PTPRD: variants seen among roughly 807,000 people sequenced by gnomAD.
The protein encoded by PTPRD is protein tyrosine phosphatase receptor type D.
PTPRD carries 34 observed loss-of-function variants against 214.5 expected under a neutral mutation model. That is an observed-to-expected ratio of 0.16 (90% CI 0.12 to 0.21). PTPRD has a LOEUF of 0.21. Ranked by LOEUF, PTPRD falls within the 10% of genes least tolerant of loss-of-function variation. The probability of loss-of-function intolerance (pLI) is 1.00; values close to 1 mark genes in which losing one functional copy is unlikely to be tolerated. For missense variants in PTPRD, 2,545 were observed against 2,398.7 expected (o/e 1.06, Z -1.27); for synonymous variants, 1,128 against 845.7 (o/e 1.33, Z -5.79).
At chr9:9,075,754 G>A (rs1320238990) in intron 10 of PTPRD, among the ~76,000 whole-genome samples, 1 of 152,058 alleles carries the variant, frequency 6.6e-6, no homozygotes, top group Non-Finnish European at 1.5e-5. Context: ...CCTTTTTTAT[G>A]GCTGCATAGT....
At chr9:9,070,693 C>G (rs920587478) in intron 10 of PTPRD, among the ~76,000 whole-genome samples, 1 of 152,118 alleles carries the variant, frequency 6.6e-6, no homozygotes, top group Non-Finnish European at 1.5e-5. Flanking sequence ...TGTACTGAAG[C>G]CTCATTTGAA....
intron 10 of PTPRD, among the ~76,000 whole-genome samples, chr9:9,143,679 T>C (rs753525508): frequency 8.5e-5 from 13 of 152,194 alleles, no homozygotes; most frequent in Non-Finnish European, 1.8e-4. Context: ...ACAAACTTTG[T>C]ATGTTATTAA....
At chr9:9,712,400 A>G (rs2154425620) in intron 7 of PTPRD, among the ~76,000 whole-genome samples, 1 of 152,336 alleles carries the variant, frequency 6.6e-6, no homozygotes, top group African/African-American at 2.4e-5. Context: ...ATTTAATTAA[A>G]AAAAATTATT....
chr9:9,793,939 A>G (rs2098984399), intron 5 of PTPRD, among the ~76,000 whole-genome samples: 1 of 152,086 alleles, frequency 6.6e-6, no homozygotes, highest in African/African-American at 2.4e-5. Flanking sequence ...AAAATATAAG[A>G]GTATCAAAGA....
chr9:10,255,719 A>G (rs2093207124), intron 3 of PTPRD, among the ~76,000 whole-genome samples: 2 of 152,240 alleles, frequency 1.3e-5, no homozygotes, highest in African/African-American at 4.8e-5. Context: ...GATTAGCACT[A>G]AGCTTAAAAC....
chr9:9,989,287 T>G (rs571069011), intron 4 of PTPRD, among the ~76,000 whole-genome samples: 2 of 152,282 alleles, frequency 1.3e-5, no homozygotes, highest in East Asian at 3.9e-4. Context: ...CATGCATTCC[T>G]GTTTTCCCAC....
intron 5 of PTPRD, among the ~76,000 whole-genome samples, chr9:9,893,325 C>T (rs1277581784): frequency 6.6e-6 from 1 of 152,020 alleles, no homozygotes; most frequent in East Asian, 1.9e-4. Context: ...TTAAAAGACA[C>T]AGAGTGGCAA....
intron 3 of PTPRD, among the ~76,000 whole-genome samples, chr9:10,045,511 A>C (rs1258521051): frequency 6.6e-6 from 1 of 151,678 alleles, no homozygotes; most frequent in Non-Finnish European, 1.5e-5. Context: ...GTATCCATCT[A>C]AACAATAAGA....
intron 9 of PTPRD, among the ~76,000 whole-genome samples, chr9:9,220,054 G>A (rs1248174810): frequency 6.6e-6 from 1 of 152,048 alleles, no homozygotes; most frequent in Non-Finnish European, 1.5e-5. Context: ...GGACTTAACT[G>A]TTTACTTAGA....
chr9:10,024,955 T>G (rs528257516), intron 4 of PTPRD, among the ~76,000 whole-genome samples: 3 of 152,050 alleles, frequency 2.0e-5, no homozygotes, highest in East Asian at 3.9e-4. Context: ...ACAAAGGACA[T>G]GAACTCATCA....
At chr9:8,777,185 G>A (rs1270263808) in intron 11 of PTPRD, among the ~76,000 whole-genome samples, 1 of 151,838 alleles carries the variant, frequency 6.6e-6, no homozygotes, top group African/African-American at 2.4e-5. Flanking sequence ...TTACTATGTT[G>A]CCCAGGCTGA....
chr9:10,376,113 C>T (rs2097723325), intron 2 of PTPRD, among the ~76,000 whole-genome samples: 1 of 151,920 alleles, frequency 6.6e-6, no homozygotes, highest in African/African-American at 2.4e-5. Flanking sequence ...ATTTAATGTG[C>T]TTCCCTGCAT....
At chr9:9,903,878 A>G (rs998526203) in intron 5 of PTPRD, among the ~76,000 whole-genome samples, 4 of 152,156 alleles carry the variant, frequency 2.6e-5, no homozygotes, top group Admixed American at 2.6e-4. Context: ...ACATTTGACC[A>G]TAACAATAAA....
intron 35 of PTPRD, among the ~76,000 whole-genome samples, chr9:8,430,096 A>G (rs1476291677): frequency 1.3e-5 from 2 of 152,138 alleles, no homozygotes; most frequent in Non-Finnish European, 2.9e-5. Context: ...CTCAACCCAC[A>G]CCACAAAATG....
intron 35 of PTPRD, among the ~76,000 whole-genome samples, chr9:8,422,052 G>A (rs1243518726): frequency 6.7e-6 from 1 of 148,200 alleles, no homozygotes; most frequent in Non-Finnish European, 1.5e-5. Context: ...AGGCTGAGAT[G>A]GGAGGATCAT....
chr9:10,415,089 A>C (rs2154513523), intron 2 of PTPRD, among the ~76,000 whole-genome samples: 1 of 151,998 alleles, frequency 6.6e-6, no homozygotes, highest in South Asian at 2.1e-4. Flanking sequence ...TCAACTTAAA[A>C]TAAAAGTAAA....
chr9:9,687,344 T>G lies in PTPRD; in HGVS notation c.-287+47189A>C, dbSNP rs140331942. ...GAAATATCTTGCTTAGATGACAAGA[T>G]AAGTGGAGCTCCCTTTGTGGAAGCC... On this transcript the variant is annotated intron_variant, in intron 7 of 45. Coordinates refer to ENST00000381196, the MANE Select transcript of PTPRD (RefSeq NM_002839.4). Among the ~76,000 whole-genome samples, 342 of 151,936 alleles carry G rather than the reference T, an allele frequency of 2.3e-3. 1 individual carries two copies. Among genetic ancestry groups the G allele is most frequent in the Non-Finnish European group, 2.4e-3 (162 of 67,832 alleles).
rs374676506 is a variant in PTPRD at position 10,306,944 on chromosome 9, T to C, written c.-545+34019A>G. The stretch of plus-strand genomic sequence containing the variant: ...ACACAAGCAATTCATTTTGTATTGA[T>C]TCATACTATTTGAAAGTGTTTATGG... On this transcript the variant is annotated intron_variant, in intron 3 of 45. Transcript: ENST00000381196. Among the ~76,000 whole-genome samples the C allele has an allele frequency of 8.4e-4, 128 of 152,282 alleles. 3 individuals are homozygous for C. The South Asian group carries it at 0.022, about 26-fold the overall frequency.
chr9:10,593,374 TAAAG>T (rs2075960691), intron 2 of PTPRD, among the ~76,000 whole-genome samples: 1 of 151,990 alleles, frequency 6.6e-6, no homozygotes, highest in Non-Finnish European at 1.5e-5. Context: ...CACGAGGACA[TAAAG>T]AAATAAAATA....
Sources: allele counts gnomAD v4.1 joint callset (sites outside exome capture counted in the v4.1 genomes callset), GRCh38; gene constraint gnomAD v4.1.1; transcripts MANE v1.5; gene names NCBI Gene and HGNC (gene_info 2026-07-23, HGNC 2026-07-21).